Variants in KDM5A observed in about 807,000 individuals in gnomAD.
KDM5A encodes lysine-specific demethylase 5A.
Under a neutral mutation model 193.5 loss-of-function variants are expected in KDM5A, and 42 were observed. The observed-to-expected ratio is 0.22, with a 90% confidence interval of 0.17 to 0.28. KDM5A has a LOEUF of 0.28. KDM5A is among the 10% of genes least tolerant of loss of function. The pLI is 1.00. For synonymous variants in KDM5A, 796 were observed against 718.1 expected (o/e 1.11, Z -1.73); for missense variants, 1,692 against 2,055.1 (o/e 0.82, Z 3.42).
chr12:323,439 G>A (rs1298602712), intron 15 of KDM5A, among the ~76,000 whole-genome samples, 161 bp downstream of exon 15: 1 of 152,104 alleles, frequency 6.6e-6, no homozygotes, highest in East Asian at 1.9e-4. Context: ...CAGCTGCCAG[G>A]TTTAGGGCCA....
At chr12:313,024 T>C (rs1242378460) in intron 20 of KDM5A, 32 bp downstream of exon 20, 2 of 1,609,252 alleles carry the variant, frequency 1.2e-6, no homozygotes, top group Admixed American at 1.7e-5. Context: ...AGGCATTACC[T>C]GATAGGTGGG....
chr12:350,507 T>C, intron 10 of KDM5A, 114 bp downstream of exon 10: 1 of 991,304 alleles, frequency 1.0e-6, no homozygotes, highest in Non-Finnish European at 1.6e-6. Flanking sequence ...AGATTATTTA[T>C]ACTGCCAAAT....
intron 10 of KDM5A, among the ~76,000 whole-genome samples, chr12:340,089 G>A (rs543815901): frequency 6.6e-6 from 1 of 151,884 alleles, no homozygotes; most frequent in Admixed American, 6.6e-5. Flanking sequence ...TTGCTCCCAG[G>A]ATATTCTGGA....
Position 308,011 on chromosome 12 carries a change from C to A in KDM5A, c.3379-6G>T, listed in dbSNP as rs1943534446. 1 of 1,613,314 alleles carries A rather than the reference C, an allele frequency of 6.2e-7. No homozygotes were observed. Among genetic ancestry groups the A allele is most frequent in the Non-Finnish European group, 8.5e-7 (1 of 1,179,766 alleles). On this transcript the variant is annotated splice_region_variant and splice_polypyrimidine_tract_variant and intron_variant, in intron 22 of 27. Coordinates refer to ENST00000399788, the MANE Select transcript of KDM5A (RefSeq NM_001042603.3). ...CGTTCTTTGAAAACTGCCACCTGTA[C>A]AAGACAAACATTTAATTGAAAAGAG...
intron 10 of KDM5A, among the ~76,000 whole-genome samples, chr12:346,072 T>C (rs1281321783): frequency 6.6e-6 from 1 of 152,114 alleles, no homozygotes; most frequent in Non-Finnish European, 1.5e-5. Flanking sequence ...CAATAAAAAA[T>C]GATAAAGGGG....
chr12:333,393 T>C, intron 12 of KDM5A, 94 bp downstream of exon 12: 1 of 1,402,394 alleles, frequency 7.1e-7, no homozygotes. Context: ...CACTCCAGCC[T>C]GGGCAACAGA....
At chr12:346,270 A>C (rs746168862) in intron 10 of KDM5A, among the ~76,000 whole-genome samples, 46 of 152,330 alleles carry the variant, frequency 3.0e-4, no homozygotes, top group Non-Finnish European at 5.4e-4. Context: ...TTGAGGCAAT[A>C]ATAGCCTACC....
At chr12:316,290 C>T (rs909599377) in intron 19 of KDM5A, among the ~76,000 whole-genome samples, 2 of 152,198 alleles carry the variant, frequency 1.3e-5, no homozygotes, top group Admixed American at 1.3e-4. Flanking sequence ...TTATTTCTCT[C>T]TCTCTCTCTA....
At chr12:365,532 T>A (rs969740793) in intron 4 of KDM5A, among the ~76,000 whole-genome samples, 8 of 152,258 alleles carry the variant, frequency 5.3e-5, no homozygotes, top group East Asian at 3.9e-4. Context: ...AACAAGAGAA[T>A]TTTGGGGGCT....
At position 280,074 on chromosome 12, in the gene KDM5A, C is replaced by T. The variant is rs369534466; in HGVS notation, c.*5382G>A. On this transcript the variant is annotated 3_prime_UTR_variant, in exon 28 of 28. Coordinates refer to ENST00000399788, the MANE Select transcript of KDM5A (RefSeq NM_001042603.3). ...ACTTTAAGGAAATATTAAATCAAGT[C>T]TTTCTTCCTACCAAAGTAGAAATAC... 4.0e-4 allele frequency: 87 copies of T among 218,772 alleles called. No individual in the cohort carries two copies. The highest frequency in any genetic ancestry group is 1.9e-3 in the African/African-American group (84 of 44,740). The allele number at this position is 218,772 out of a possible 1,614,324, so 13.6% of individuals were successfully genotyped here.
At position 302,149 on chromosome 12, in the gene KDM5A, C is replaced by T. The variant is rs554836612; in HGVS notation, c.4074+4797G>A. The stretch of plus-strand genomic sequence containing the variant: ...TTCCCATCAAGCTACCACTGACTTT[C>T]TTCACAGAACTGGAAAAAACTACTT... On this transcript the variant is annotated intron_variant, in intron 24 of 27. Coordinates refer to ENST00000399788, the MANE Select transcript of KDM5A (RefSeq NM_001042603.3). 6.6e-5 allele frequency among the ~76,000 whole-genome samples: 10 copies of T among 152,336 alleles called. 1 individual carries two copies. The South Asian group carries it at 2.1e-3, about 32-fold the overall frequency.
At chr12:348,324 T>C (rs1379815638) in intron 10 of KDM5A, among the ~76,000 whole-genome samples, 1 of 152,224 alleles carries the variant, frequency 6.6e-6, no homozygotes, top group East Asian at 1.9e-4. Context: ...GACTGTACAC[T>C]AGTTCAACCA....
At chr12:304,895 G>A (rs1394864430) in intron 24 of KDM5A, among the ~76,000 whole-genome samples, 2 of 152,170 alleles carry the variant, frequency 1.3e-5, no homozygotes, top group Non-Finnish European at 2.9e-5. Context: ...TCTAACTAGG[G>A]TAAACGGGTG....
intron 3 of KDM5A, among the ~76,000 whole-genome samples, chr12:374,510 ATCTTGACTCTT>A (rs1443256648): frequency 6.6e-6 from 1 of 152,084 alleles, no homozygotes; most frequent in Non-Finnish European, 1.5e-5. Flanking sequence ...ACACTGGTGG[ATCTTGACTCTT>A]TATCCAATTT....
At position 385,994 on chromosome 12, in the gene KDM5A, TA is replaced by T. The variant is rs777144055; in HGVS notation, c.166-21del. On this transcript the variant is annotated intron_variant, in intron 1 of 27. Coordinates refer to ENST00000399788, the MANE Select transcript of KDM5A (RefSeq NM_001042603.3). ...CCAGTCCTAAATAGAAAGATTTTTT[TA>T]AAAAAACACAGTGGTATGTAAACAA... 14 of 1,592,428 alleles carry T rather than the reference TA, an allele frequency of 8.8e-6. No individual in the cohort carries two copies. The highest frequency in any genetic ancestry group is 1.2e-5 in the Non-Finnish European group (14 of 1,160,674).
intron 4 of KDM5A, among the ~76,000 whole-genome samples, chr12:363,767 G>T (rs545917191): frequency 1.3e-5 from 2 of 151,884 alleles, no homozygotes; most frequent in Admixed American, 6.6e-5. Flanking sequence ...AAGGAAAAAA[G>T]AAATAAAAAA....
chr12:354,391 T>C (rs1488476824), intron 7 of KDM5A, among the ~76,000 whole-genome samples, 157 bp from the exon 8 acceptor site: 5 of 152,212 alleles, frequency 3.3e-5, no homozygotes, highest in African/African-American at 1.2e-4. Flanking sequence ...TTAAACAGCT[T>C]TTCATAAAAC....
At chr12:315,788 G>C (rs1166817344) in intron 19 of KDM5A, among the ~76,000 whole-genome samples, 1 of 152,124 alleles carries the variant, frequency 6.6e-6, no homozygotes, top group African/African-American at 2.4e-5. Flanking sequence ...AAAGAATAAA[G>C]AAACAAAGGA....
chr12:343,812 A>G (rs1018587870), intron 10 of KDM5A, among the ~76,000 whole-genome samples: 7 of 152,218 alleles, frequency 4.6e-5, no homozygotes, highest in Admixed American at 3.3e-4. Flanking sequence ...ATGGGGAGAA[A>G]CCAGAGCAGA....
Sources: allele counts gnomAD v4.1 joint callset (sites outside exome capture counted in the v4.1 genomes callset), GRCh38; gene constraint gnomAD v4.1.1; transcripts MANE v1.5; gene names NCBI Gene and HGNC (gene_info 2026-07-23, HGNC 2026-07-21).